HTT-AS: variants seen among roughly 807,000 people sequenced by gnomAD.
The protein encoded by HTT-AS is HTT antisense RNA (head to head).
At chr4:3,071,527 A>G (rs10011412) in intron 1 of HTT-AS, among the ~76,000 whole-genome samples, 18,139 of 152,104 alleles carry the variant, frequency 0.12, 1,492 homozygotes, top group African/African-American at 0.23. Flanking sequence ...AGGGACTGTC[A>G]TACACTAGCT....
intron 1 of HTT-AS, among the ~76,000 whole-genome samples, chr4:3,064,874 G>T (rs1227371594): frequency 1.3e-5 from 2 of 151,904 alleles, no homozygotes; most frequent in Admixed American, 6.5e-5. Context: ...TCTCTTTTAT[G>T]AATACAAAAC....
rs1712002753 is a variant in HTT-AS at position 3,064,342 on chromosome 4, C to T, written n.114-642G>A. Among the ~76,000 whole-genome samples the T allele has an allele frequency of 3.9e-5, 6 of 152,228 alleles. No individual in the cohort carries two copies. In the South Asian group the frequency reaches 1.2e-3, roughly 32 times the overall value. On this transcript the variant is annotated intron_variant and non_coding_transcript_variant, in intron 1 of 2. Transcript: ENST00000664062. The stretch of plus-strand genomic sequence containing the variant: ...AACTCCTTACCTTGTGATCCGCCTG[C>T]CTCAGCCTCCCAAAGTGCTGGGATT...
chr4:3,072,835 C>T (rs561082448), intron 1 of HTT-AS, among the ~76,000 whole-genome samples: 3 of 152,334 alleles, frequency 2.0e-5, no homozygotes, highest in African/African-American at 7.2e-5. Context: ...GCCATGTTGG[C>T]CAGGCTGGTC....
At chr4:3,058,899 T>C (rs1001095476) in intron 2 of HTT-AS, among the ~76,000 whole-genome samples, 2 of 152,014 alleles carry the variant, frequency 1.3e-5, no homozygotes, top group Admixed American at 6.6e-5. Flanking sequence ...TTTGTGTTTT[T>C]AGTAGAGATG....
At chr4:3,046,190 C>A (rs1229080941), downstream of HTT-AS, among the ~76,000 whole-genome samples, 1 of 152,176 alleles carries the variant, frequency 6.6e-6, no homozygotes, top group African/African-American at 2.4e-5. Context: ...AATTGGGCAG[C>A]CCCCAGAATC....
rs1182398003 is a variant in HTT-AS, at chr4:3,064,277, G to C, written n.114-577C>G. ...CATCTGGCTAATTTTTGTATTTTTA[G>C]CAGAGACGGGGTTTCACCATATTAA... On this transcript the variant is annotated intron_variant and non_coding_transcript_variant, in intron 1 of 2. Coordinates refer to ENST00000664062, the Ensembl canonical transcript of HTT-AS. Among the ~76,000 whole-genome samples, 4 of 151,854 alleles carry C rather than the reference G, an allele frequency of 2.6e-5. No individual in the cohort carries two copies. In the East Asian group the frequency reaches 7.7e-4, roughly 29 times the overall value.
intron 1 of HTT-AS, among the ~76,000 whole-genome samples, chr4:3,069,433 G>C (rs1282857532): frequency 6.6e-6 from 1 of 152,020 alleles, no homozygotes; most frequent in Non-Finnish European, 1.5e-5. Context: ...TGGGATTACA[G>C]GTGTGAGCCA....
chr4:3,069,697 G>A (rs1712127226), intron 1 of HTT-AS, among the ~76,000 whole-genome samples: 1 of 152,138 alleles, frequency 6.6e-6, no homozygotes, highest in Non-Finnish European at 1.5e-5. Context: ...GAAGGAGGAC[G>A]CGCCCCCGCC....
At chr4:3,066,318 C>T (rs948200771) in intron 1 of HTT-AS, among the ~76,000 whole-genome samples, 18 of 152,128 alleles carry the variant, frequency 1.2e-4, no homozygotes, top group South Asian at 2.1e-4. Context: ...TACAGGCTCC[C>T]GCCACTACAC....
intron 2 of HTT-AS, among the ~76,000 whole-genome samples, chr4:3,061,490 G>A (rs1316211214): frequency 3.3e-5 from 5 of 151,850 alleles, no homozygotes; most frequent in African/African-American, 9.7e-5. Flanking sequence ...AGAGCAGCCC[G>A]GCCAACATGG....
At chr4:3,064,733 GC>G (rs1272661197) in intron 1 of HTT-AS, among the ~76,000 whole-genome samples, 6 of 152,164 alleles carry the variant, frequency 3.9e-5, no homozygotes, top group African/African-American at 1.4e-4. Flanking sequence ...ACCTTAGAGA[GC>G]AAATAAAACT....
exon 2 of HTT-AS, among the ~76,000 whole-genome samples, chr4:3,063,070 C>A (rs925167799): frequency 6.6e-6 from 1 of 152,106 alleles, no homozygotes; most frequent in Non-Finnish European, 1.5e-5. Context: ...CACGACGTAG[C>A]CTTCATGACA....
chr4:3,047,114 A>G (rs1251793297), downstream of HTT-AS, among the ~76,000 whole-genome samples: 2 of 152,218 alleles, frequency 1.3e-5, no homozygotes, highest in Non-Finnish European at 2.9e-5. Flanking sequence ...GATCGAGACC[A>G]TCCTGGCTAA....
chr4:3,066,879 C>G (rs1712067001), intron 1 of HTT-AS, among the ~76,000 whole-genome samples: 1 of 152,120 alleles, frequency 6.6e-6, no homozygotes, highest in Non-Finnish European at 1.5e-5. Context: ...TTAGCAGAAA[C>G]TTCAGGCATG....
chr4:3,054,776 G>A (rs1295883110), intron 2 of HTT-AS, among the ~76,000 whole-genome samples: 1 of 151,208 alleles, frequency 6.6e-6, no homozygotes, highest in Non-Finnish European at 1.5e-5. Flanking sequence ...GTGCAGTGGT[G>A]CACTCTTGGC....
chr4:3,068,108 A>G (rs1011609334), intron 1 of HTT-AS, among the ~76,000 whole-genome samples: 1 of 151,032 alleles, frequency 6.6e-6, no homozygotes, highest in African/African-American at 2.5e-5. Context: ...GACCAAGACC[A>G]TCCTGGCTAA....
intron 1 of HTT-AS, among the ~76,000 whole-genome samples, chr4:3,071,369 A>T (rs1234616897): frequency 1.3e-5 from 2 of 152,120 alleles, no homozygotes; most frequent in Non-Finnish European, 2.9e-5. Context: ...CCCAGCCAAC[A>T]CATCCCATTC....
At chr4:3,058,775 T>TGTG (rs1711857662) in intron 2 of HTT-AS, among the ~76,000 whole-genome samples, 2 of 151,896 alleles carry the variant, frequency 1.3e-5, no homozygotes, top group African/African-American at 4.8e-5. Flanking sequence ...GCTGGAGTGC[T>TGTG]GTGGTATGAT....
downstream of HTT-AS, among the ~76,000 whole-genome samples, chr4:3,048,326 T>C (rs957478867): frequency 7.2e-5 from 11 of 152,230 alleles, no homozygotes; most frequent in Non-Finnish European, 1.0e-4. Context: ...GGTGTCCTCA[T>C]GGTCACACAT....
Sources: gnomAD v4.1 joint callset for allele counts (sites outside exome capture counted in the v4.1 genomes callset) on GRCh38, gnomAD v4.1.1 for gene constraint, MANE v1.5 for transcripts, NCBI Gene and HGNC (gene_info 2026-07-23, HGNC 2026-07-21) for gene names.